The following CUBN variants were observed in gnomAD, a reference collection of about 807,000 sequenced individuals.
The protein encoded by CUBN is cubilin, also known as 460 kDa receptor.
Under a neutral mutation model 405.3 loss-of-function variants are expected in CUBN, and 282 were observed. The ratio of observed to expected loss-of-function variants is 0.70; its 90% confidence interval spans 0.63 to 0.77. The LOEUF (loss-of-function observed/expected upper bound fraction) is 0.77. Ranked by LOEUF, CUBN falls within the 30% of genes least tolerant of loss-of-function variation. The probability of loss-of-function intolerance (pLI) is 0.00; values close to 1 mark genes in which losing one functional copy is unlikely to be tolerated. For missense variants in CUBN, 4,514 were observed against 4,475.2 expected, an observed-to-expected ratio of 1.01 and a Z score of -0.25; for synonymous variants, 1,684 against 1,617.0, an observed-to-expected ratio of 1.04 and a Z score of -0.99.
intron 28 of CUBN, among the ~76,000 whole-genome samples, chr10:16,993,923 C>T (rs895323453): frequency 6.6e-6 from 1 of 152,164 alleles, no homozygotes; most frequent in South Asian, 2.1e-4. Context: ...CTCCTTCATG[C>T]TCTCACTACC....
intron 22 of CUBN, among the ~76,000 whole-genome samples, chr10:17,049,266 A>G (rs1228557503): frequency 6.6e-6 from 1 of 152,256 alleles, no homozygotes; most frequent in Non-Finnish European, 1.5e-5. Context: ...AATGAAAGCA[A>G]TGACCCAGTA....
chr10:16,970,809 T>A (rs1832906047), intron 31 of CUBN, among the ~76,000 whole-genome samples: 1 of 152,160 alleles, frequency 6.6e-6, no homozygotes, highest in Non-Finnish European at 1.5e-5. Context: ...TTTTTTATTT[T>A]TTAATTAATT....
At chr10:16,915,367 A>C (rs1179621724) in intron 46 of CUBN, among the ~76,000 whole-genome samples, 195 bp from the exon 47 acceptor site, 2 of 152,352 alleles carry the variant, frequency 1.3e-5, no homozygotes, top group East Asian at 3.9e-4. Context: ...AAGTGAAAAA[A>C]ATGCAACCAA....
At chr10:16,944,351 T>C (rs1399770587) in intron 36 of CUBN, among the ~76,000 whole-genome samples, 3 of 152,204 alleles carry the variant, frequency 2.0e-5, no homozygotes, top group African/African-American at 4.8e-5. Context: ...TGGTTAAATA[T>C]ATGTCTTACA....
Position 17,123,471 on chromosome 10 carries a change from T to G in CUBN, c.489+117A>C, listed in dbSNP as rs12265857. ...CATACCTGGTATATTTCAATTTGATTTGGGAGGCCACAGAATCCTAGAAAC... is the reference window on the plus strand; with the variant it reads ...CATACCTGGTATATTTCAATTTGATGTGGGAGGCCACAGAATCCTAGAAAC... On this transcript the variant is annotated intron_variant, in intron 5 of 66. Coordinates refer to ENST00000377833, the MANE Select transcript of CUBN (RefSeq NM_001081.4). 2,993 of 826,428 alleles carry G rather than the reference T, an allele frequency of 3.6e-3. 57 individuals carry two copies. The African/African-American group carries it at 0.046, about 13-fold the overall frequency. 51.2% of individuals were successfully genotyped at this position (826,428 alleles called of 1,614,324 possible). A position where few individuals can be genotyped will look rare whatever the true frequency, so the allele number is the denominator to read the frequency against.
chr10:16,933,428 T>G, intron 39 of CUBN, 144 bp from the exon 40 acceptor site: 1 of 709,076 alleles, frequency 1.4e-6, no homozygotes, highest in Non-Finnish European at 2.4e-6. Context: ...GAATATCGTA[T>G]GTAACCCACT....
At chr10:17,038,393 C>G (rs1441620600) in intron 27 of CUBN, among the ~76,000 whole-genome samples, 1 of 152,152 alleles carries the variant, frequency 6.6e-6, no homozygotes, top group Non-Finnish European at 1.5e-5. Context: ...GCAAATGGTC[C>G]CTTCTCCCAC....
intron 39 of CUBN, among the ~76,000 whole-genome samples, chr10:16,935,513 T>C (rs567426463): frequency 6.6e-6 from 1 of 152,166 alleles, no homozygotes; most frequent in Non-Finnish European, 1.5e-5. Context: ...TTCTTAGTCT[T>C]CTCAGTGTAT....
At chr10:16,960,681 C>T (rs1843193312) in intron 31 of CUBN, among the ~76,000 whole-genome samples, 1 of 152,176 alleles carries the variant, frequency 6.6e-6, no homozygotes, top group Non-Finnish European at 1.5e-5. Context: ...GAGGAAAACC[C>T]TGAGTTAAGA....
intron 33 of CUBN, among the ~76,000 whole-genome samples, chr10:16,951,886 A>G (rs987468898): frequency 2.0e-5 from 3 of 152,214 alleles, no homozygotes; most frequent in African/African-American, 7.2e-5. Flanking sequence ...AACTGTCTTG[A>G]ACATCAGCTA....
Position 16,888,483 on chromosome 10 carries a change from T to C in CUBN, c.8839A>G (p.Thr2947Ala). The C allele has an allele frequency of 1.9e-6, 3 of 1,612,552 alleles. No individual in the cohort carries two copies. The highest frequency in any genetic ancestry group is 2.5e-6 in the Non-Finnish European group (3 of 1,178,586). Residue 2947 changes from threonine (T) to alanine (A), a missense_variant, in exon 56 of 67, where the codon ACC becomes GCC. Thr to Ala is a moderately conservative substitution (Grantham distance 58). Transcript: ENST00000377833. The stretch of plus-strand genomic sequence containing the variant: ...AGAGGATTAGCCTCTATGACATAGG[T>C]GCAATTCATGTTGTTGTCATATTGT... ...PKQYDNNMNC[T>A]YVIEANPLSV... is the part of the protein sequence containing the mutation.
chr10:16,835,147 C>A lies in CUBN; in HGVS notation c.10229G>T (p.Gly3410Val). The A allele has an allele frequency of 6.2e-7, 1 of 1,614,086 alleles. No individual in the cohort carries two copies. Among genetic ancestry groups the A allele is most frequent in the Middle Eastern group, 1.6e-4 (1 of 6,062 alleles). ...GTCATTGTCGTAGTTATCTGGCCAT[C>A]CAGGGCTTCTCAGGTTGCCAAATGC... The part of the protein sequence containing the change: ...HKAFGNLRSP[G>V]WPDNYDNDKD... The change falls in exon 64 of 67, where the codon GGA (glycine) becomes GTA (valine). Residue 3410 changes from glycine to valine, a missense_variant. Gly to Val is a moderately radical substitution (Grantham distance 109). Transcript: ENST00000377833.
At chr10:16,846,173 T>G (rs1195324850) in intron 60 of CUBN, among the ~76,000 whole-genome samples, 1 of 152,266 alleles carries the variant, frequency 6.6e-6, no homozygotes, top group Non-Finnish European at 1.5e-5. Context: ...GTACTTTGTT[T>G]GGTTTAGAAA....
At chr10:16,975,493 A>G (rs4366393) in intron 31 of CUBN, among the ~76,000 whole-genome samples, 84,438 of 152,104 alleles carry the variant, frequency 0.56, 23,812 homozygotes, top group African/African-American at 0.59. Flanking sequence ...AATTCCATGG[A>G]TTCTGCACTG....
intron 59 of CUBN, among the ~76,000 whole-genome samples, chr10:16,859,141 C>T (rs1273316129): frequency 6.6e-6 from 1 of 152,136 alleles, no homozygotes; most frequent in Non-Finnish European, 1.5e-5. Flanking sequence ...ACATTAAAAA[C>T]TTTTGTTCAG....
At chr10:16,832,523 A>T (rs1707415401) in intron 64 of CUBN, among the ~76,000 whole-genome samples, 1 of 152,190 alleles carries the variant, frequency 6.6e-6, no homozygotes, top group African/African-American at 2.4e-5. Flanking sequence ...GTAGCCAGTC[A>T]TCCACTAGTA....
intron 28 of CUBN, among the ~76,000 whole-genome samples, chr10:16,999,946 C>T (rs1024602943): frequency 6.6e-6 from 1 of 152,186 alleles, no homozygotes; most frequent in African/African-American, 2.4e-5. Flanking sequence ...AGGTGGGCAG[C>T]ACCACGTCCA....
intron 22 of CUBN, among the ~76,000 whole-genome samples, chr10:17,048,022 C>A (rs1292484858): frequency 1.3e-5 from 2 of 152,234 alleles, no homozygotes; most frequent in Admixed American, 1.3e-4. Context: ...GCAGGTACCT[C>A]CACCACGGGG....
At chr10:16,913,238 C>A (rs1841783939) in intron 48 of CUBN, among the ~76,000 whole-genome samples, 1 of 152,220 alleles carries the variant, frequency 6.6e-6, no homozygotes, top group African/African-American at 2.4e-5. Context: ...TATCTACACA[C>A]ACATATGTGT....
Sources: gnomAD v4.1 joint callset for allele counts (sites outside exome capture counted in the v4.1 genomes callset) on GRCh38, gnomAD v4.1.1 for gene constraint, MANE v1.5 for transcripts, NCBI Gene and HGNC (gene_info 2026-07-23, HGNC 2026-07-21) for gene names.